The following APBA1 variants were observed in gnomAD, a reference collection of about 807,000 sequenced individuals.
The protein encoded by APBA1 is amyloid beta precursor protein binding family A member 1, also known as amyloid-beta A4 precursor protein-binding family A member 1.
In APBA1, 55 loss-of-function variants were observed where a neutral mutation model predicts 86.6. That is an observed-to-expected ratio of 0.64 (90% CI 0.51 to 0.80). The LOEUF (loss-of-function observed/expected upper bound fraction) is 0.80, where lower values mean the gene tolerates loss of function less well. Ranked by LOEUF, APBA1 falls within the 30% of genes least tolerant of loss-of-function variation. The pLI is 0.00. For synonymous variants in APBA1, 511 were observed against 493.9 expected (o/e 1.03, Z -0.46); for missense variants, 1,090 against 1,183.0 (o/e 0.92, Z 1.15).
chr9:69,481,617 C>G (rs866682761), intron 2 of APBA1, among the ~76,000 whole-genome samples: 3 of 137,398 alleles, frequency 2.2e-5, no homozygotes, highest in African/African-American at 8.1e-5. Context: ...TTGGAAAAAA[C>G]TACTTTAAAG....
chr9:69,477,162 G>C (rs925110463), intron 2 of APBA1, among the ~76,000 whole-genome samples: 2 of 152,054 alleles, frequency 1.3e-5, no homozygotes, highest in African/African-American at 2.4e-5. Context: ...AGCTCCCAGC[G>C]TGAGCGACAC....
chr9:69,457,364 C>T (rs1244571522), intron 6 of APBA1, among the ~76,000 whole-genome samples: 1 of 152,190 alleles, frequency 6.6e-6, no homozygotes, highest in South Asian at 2.1e-4. Context: ...ATCCCCTTTT[C>T]TTCTTCCCCT....
intron 1 of APBA1, among the ~76,000 whole-genome samples, chr9:69,619,896 T>C (rs535556132): frequency 6.6e-6 from 1 of 152,298 alleles, no homozygotes; most frequent in Non-Finnish European, 1.5e-5. Context: ...ACTTTTCCAT[T>C]CCATGTTCGC....
intron 1 of APBA1, among the ~76,000 whole-genome samples, chr9:69,553,974 C>A (rs1252379295): frequency 3.3e-5 from 5 of 152,200 alleles, no homozygotes; most frequent in South Asian, 2.1e-4. Context: ...ACAACAGAGA[C>A]CCCCTTGAGC....
chr9:69,544,419 T>C (rs1836664871), intron 1 of APBA1, among the ~76,000 whole-genome samples: 1 of 152,252 alleles, frequency 6.6e-6, no homozygotes, highest in African/African-American at 2.4e-5. Context: ...CAATTTATTA[T>C]ACATGCATAT....
intron 1 of APBA1, among the ~76,000 whole-genome samples, chr9:69,601,612 G>A (rs1216294713): frequency 6.6e-6 from 1 of 152,228 alleles, no homozygotes; most frequent in East Asian, 1.9e-4. Context: ...GCTCTCTGCA[G>A]AGTAACAGAT....
chr9:69,658,547 C>T (rs1297927174), intron 1 of APBA1, among the ~76,000 whole-genome samples: 8 of 146,250 alleles, frequency 5.5e-5, no homozygotes, highest in South Asian at 2.2e-4. Flanking sequence ...GGATTACAGG[C>T]GTGCACCACC....
chr9:69,590,482 C>T (rs752543611), intron 1 of APBA1, among the ~76,000 whole-genome samples: 5 of 152,186 alleles, frequency 3.3e-5, no homozygotes, highest in Non-Finnish European at 5.9e-5. Context: ...CAGCTCAGCT[C>T]TGGAGGCCTC....
intron 9 of APBA1, among the ~76,000 whole-genome samples, chr9:69,450,478 G>T (rs1252182450): frequency 6.6e-6 from 1 of 152,160 alleles, no homozygotes; most frequent in Non-Finnish European, 1.5e-5. Context: ...CCTCTTGGAA[G>T]CACCCAACAG....
intron 10 of APBA1, among the ~76,000 whole-genome samples, chr9:69,447,310 C>T (rs1281778531): frequency 2.0e-5 from 3 of 152,186 alleles, no homozygotes; most frequent in Non-Finnish European, 2.9e-5. Flanking sequence ...CTTCTAGACT[C>T]AGACCAACTC....
At chr9:69,635,493 C>T (rs1337336532) in intron 1 of APBA1, among the ~76,000 whole-genome samples, 1 of 151,912 alleles carries the variant, frequency 6.6e-6, no homozygotes, top group South Asian at 2.1e-4. Flanking sequence ...TGAGTTCTTA[C>T]TTATCAATAA....
Position 69,449,816 on chromosome 9 carries a change from T to C in APBA1, c.1969-20A>G, listed in dbSNP as rs751847496. ...GAAAACCTGGAAGGAGAAAAACATT[T>C]AGAAAACCTCCATCAGTGACCATCT... is the stretch of plus-strand genomic sequence containing the variant. On this transcript the variant is annotated intron_variant, in intron 9 of 12. Coordinates refer to ENST00000265381, the MANE Select transcript of APBA1 (RefSeq NM_001163.4). 1 of 1,601,738 alleles carries C rather than the reference T, an allele frequency of 6.2e-7. No individual in the cohort carries two copies. Among genetic ancestry groups the C allele is most frequent in the Non-Finnish European group, 8.5e-7 (1 of 1,170,186 alleles).
chr9:69,497,891 G>A (rs1185619167), intron 2 of APBA1, among the ~76,000 whole-genome samples: 1 of 152,086 alleles, frequency 6.6e-6, no homozygotes, highest in African/African-American at 2.4e-5. Flanking sequence ...GTTCGGAATG[G>A]TTGACAAGGT....
At chr9:69,445,436 T>G (rs1164169801) in intron 10 of APBA1, among the ~76,000 whole-genome samples, 1 of 152,120 alleles carries the variant, frequency 6.6e-6, no homozygotes, top group Non-Finnish European at 1.5e-5. Flanking sequence ...TTGGTCCCCA[T>G]GACAACAGTG....
chr9:69,568,816 G>A (rs1157544926), intron 1 of APBA1, among the ~76,000 whole-genome samples: 3 of 152,176 alleles, frequency 2.0e-5, no homozygotes, highest in Admixed American at 2.0e-4. Flanking sequence ...TAGAATTATT[G>A]CAAAGAATAA....
intron 1 of APBA1, among the ~76,000 whole-genome samples, chr9:69,588,585 T>G (rs1290567639): frequency 6.6e-6 from 1 of 152,140 alleles, no homozygotes. Flanking sequence ...AGCACTTCCA[T>G]TTTTTGGACA....
At position 69,517,295 on chromosome 9, in the gene APBA1, G is replaced by A; in HGVS notation, c.-69-16C>T. ...CTCCACTGGGCTGGAAAAACAAGAA[G>A]GGGAGAGGCTGTCACGTGGTGCAAA... On this transcript the variant is annotated splice_polypyrimidine_tract_variant and intron_variant, in intron 1 of 12. Transcript: ENST00000265381. 1.4e-6 allele frequency: 2 copies of A among 1,400,310 alleles called. No individual in the cohort carries two copies. The highest frequency in any genetic ancestry group is 1.8e-6 in the Non-Finnish European group (2 of 1,082,272). The allele number at this position is 1,400,310 out of a possible 1,614,324, so 86.7% of individuals were successfully genotyped here. A position where few individuals can be genotyped will look rare whatever the true frequency, so the allele number is the denominator to read the frequency against.
In APBA1 at chr9:69,571,594, TTTAAA is replaced by T. The variant is rs946176178; in HGVS notation, c.-69-54320_-69-54316del. ...GTGGTTTCGGATGGTAGGATTACTT[TTTAAA>T]TTATTACTTTTCTGAATTTTTTGAC... On this transcript the variant is annotated intron_variant, in intron 1 of 12. Transcript: ENST00000265381. Among the ~76,000 whole-genome samples the T allele has an allele frequency of 1.9e-4, 29 of 152,326 alleles. 1 individual carries two copies. The highest frequency in any genetic ancestry group is 1.5e-4 in the Non-Finnish European group (10 of 68,024).
At position 69,516,576 on chromosome 9, in the gene APBA1, C is replaced by A; in HGVS notation, c.635G>T (p.Gly212Val). ...GDAPELDARD[G>V]LRLYEQERDE... ...GCGCTCCTGCTCGTAGAGCCGCAGGCCGTCGCGTGCGTCCAGCTCGGGCGC... is the reference window on the plus strand; with the variant it reads ...GCGCTCCTGCTCGTAGAGCCGCAGGACGTCGCGTGCGTCCAGCTCGGGCGC... The change falls in exon 2 of 13, where the codon GGC becomes GTC. Residue 212 changes from glycine (G) to valine (V), a missense_variant. By Grantham distance (109) the Gly-to-Val change is moderately radical (BLOSUM62 -3). This residue lies in a region of APBA1 where 678 missense variants were observed against 647.1 expected (regional missense o/e 1.05). Transcript: ENST00000265381. This position sits in a 1 kb window ranked among gnomAD's most constrained non-coding sequence, Gnocchi z 7.3. 1.9e-6 allele frequency: 3 copies of A among 1,601,320 alleles called. No homozygotes were observed. Among genetic ancestry groups the A allele is most frequent in the Non-Finnish European group, 2.5e-6 (3 of 1,178,832 alleles).
Sources: allele counts gnomAD v4.1 joint callset (sites outside exome capture counted in the v4.1 genomes callset), GRCh38; gene constraint gnomAD v4.1.1; regional missense constraint gnomAD v4.1.1; non-coding constraint Gnocchi (gnomAD v3.1); transcripts MANE v1.5; gene names NCBI Gene and HGNC (gene_info 2026-07-23, HGNC 2026-07-21).